The following ATP2A1 variants were observed in gnomAD, a reference collection of about 807,000 sequenced individuals.
ATP2A1 encodes the protein sarcoplasmic/endoplasmic reticulum calcium ATPase 1.
ATP2A1 carries 83 observed loss-of-function variants against 109.5 expected under a neutral mutation model. The observed-to-expected ratio is 0.76, with a 90% CI of 0.63 to 0.91. The LOEUF is 0.91. Among genes scored for constraint, ATP2A1 ranks in the 40% least tolerant of loss-of-function variants. The probability of loss-of-function intolerance (pLI) is 0.00; values close to 1 mark genes in which losing one functional copy is unlikely to be tolerated. For missense variants in ATP2A1, 1,101 were observed against 1,341.0 expected (o/e 0.82, Z 2.80); for synonymous variants, 505 against 537.6 (o/e 0.94, Z 0.84).
chr16:28,896,290 G>A (rs765095814), intron 12 of ATP2A1, among the ~76,000 whole-genome samples: 27 of 152,092 alleles, frequency 1.8e-4, no homozygotes, highest in Admixed American at 3.3e-4. Flanking sequence ...ACAGTGGCAT[G>A]ATCTCAGCTC....
At position 28,894,715 on chromosome 16, in the gene ATP2A1, G is replaced by T. The variant is rs1963868934; in HGVS notation, c.1288-107G>T. 3.1e-6 allele frequency: 5 copies of T among 1,598,454 alleles called. No homozygotes were observed. The South Asian group carries it at 5.5e-5, about 18-fold the overall frequency. ...CCAGTACACCCAGCCCTCTGCCAGGGTGCAAGGGAGGCAGTGGTTTGCTTC... is the reference window on the plus strand; with the variant it reads ...CCAGTACACCCAGCCCTCTGCCAGGTTGCAAGGGAGGCAGTGGTTTGCTTC... On this transcript the variant is annotated intron_variant, in intron 11 of 22. Coordinates refer to ENST00000395503, the MANE Select transcript of ATP2A1 (RefSeq NM_004320.6).
intron 22 of ATP2A1, 51 bp from the exon 23 acceptor site, chr16:28,904,129 A>G (rs1299744454): frequency 4.6e-6 from 7 of 1,513,186 alleles, no homozygotes; most frequent in Non-Finnish European, 6.4e-6. Context: ...CCTGGGAGGG[A>G]CCTCGCTGCC....
At position 28,903,163 on chromosome 16, in the gene ATP2A1, C is replaced by A. The variant is rs1174693213; in HGVS notation, c.2862+16C>A. The A allele has an allele frequency of 2.5e-6, 4 of 1,612,238 alleles. No individual in the cohort carries two copies. Among genetic ancestry groups the A allele is most frequent in the Admixed American group, 3.3e-5 (2 of 60,014 alleles). On this transcript the variant is annotated intron_variant, in intron 20 of 22. Coordinates refer to ENST00000395503, the MANE Select transcript of ATP2A1 (RefSeq NM_004320.6). This position sits in a 1 kb window ranked among gnomAD's most constrained non-coding sequence, Gnocchi z 5.6. ...CCCCCTGCCGGTGAGGTTTCTTCCG[C>A]CCAGGGCCGCCCACCCCAGCACTGG...
Position 28,902,001 on chromosome 16 carries a change from G to T in ATP2A1, c.2239G>T (p.Val747Leu). The change falls in exon 16 of 23, where the codon GTG becomes TTG. Residue 747 changes from valine to leucine, a missense_variant. Physicochemically the swap from Val to Leu is conservative, Grantham distance 32 (BLOSUM62 1). Coordinates refer to ENST00000395503, the MANE Select transcript of ATP2A1 (RefSeq NM_004320.6). The surrounding 1 kb of genome is among the most constrained non-coding windows in gnomAD (Gnocchi z 4.8). The part of the protein sequence containing the change: ...DDNFSTIVAA[V>L]EEGRAIYNNM... The stretch of plus-strand genomic sequence containing the variant: ...CAACTTCTCCACCATCGTAGCTGCT[G>T]TGGAGGAGGGCCGCGCCATCTACAA... The T allele has an allele frequency of 6.2e-7, 1 of 1,614,246 alleles. No individual in the cohort carries two copies. The highest frequency in any genetic ancestry group is 8.5e-7 in the Non-Finnish European group (1 of 1,180,042).
At position 28,889,831 on chromosome 16, in the gene ATP2A1, T is replaced by C. The variant is rs554066393; in HGVS notation, c.1095+878T>C. 2.6e-5 allele frequency among the ~76,000 whole-genome samples: 4 copies of C among 152,298 alleles called. No individual in the cohort carries two copies. The East Asian group carries it at 5.8e-4, about 22-fold the overall frequency. The stretch of plus-strand genomic sequence containing the variant: ...TGCAGTTGAGCTCTTGTCAGGATAA[T>C]ATTTCAAATGTATATTAATAAAATA... On this transcript the variant is annotated intron_variant, in intron 9 of 22. Transcript: ENST00000395503.
chr16:28,882,453 G>A lies in ATP2A1; in HGVS notation c.327G>A (p.Glu109=). 6.2e-7 allele frequency: 1 copy of A among 1,614,176 alleles called. No homozygotes were observed. Among genetic ancestry groups the A allele is most frequent in the South Asian group, 1.1e-5 (1 of 91,090 alleles). ...IANAIVGVWQ[E]RNAENAIEAL... The stretch of plus-strand genomic sequence containing the variant: ...CCTCCTCCACCCTGTCTCCTCAGGA[G>A]CGGAACGCAGAGAACGCCATCGAGG... Residue 109 remains glutamate, a splice_region_variant and synonymous_variant, in exon 5 of 23, where the codon GAG becomes GAA. Transcript: ENST00000395503.
chr16:28,883,611 G>C lies in ATP2A1; in HGVS notation c.464-964G>C, dbSNP rs374942377. ...AGGCAGCGGCCCTGGGAGATTCTTA[G>C]CCTCCTCCTAAGGTCTCTGAGTCTG... On this transcript the variant is annotated intron_variant, in intron 5 of 22. Transcript: ENST00000395503. This position sits in a 1 kb window ranked among gnomAD's most constrained non-coding sequence, Gnocchi z 5.2. Among the ~76,000 whole-genome samples the C allele has an allele frequency of 7.2e-5, 11 of 152,236 alleles. No homozygotes were observed. In the East Asian group the frequency reaches 1.7e-3, roughly 24 times the overall value.
Position 28,900,708 on chromosome 16 carries a change from C to G in ATP2A1, c.1892C>G (p.Thr631Arg), listed in dbSNP as rs747339644. ...VIMITGDNKG[T>R]AIAICRRIGI... Reference sequence around the variant, plus strand: ...ATGATCACTGGGGACAACAAGGGCACAGCCATTGCCATCTGCCGGCGAATT... The same window carrying G: ...ATGATCACTGGGGACAACAAGGGCAGAGCCATTGCCATCTGCCGGCGAATT... The change falls in exon 15 of 23, where the codon ACA (threonine) becomes AGA (arginine). Residue 631 changes from threonine (T) to arginine (R), a missense_variant. Coordinates refer to ENST00000395503, the MANE Select transcript of ATP2A1 (RefSeq NM_004320.6). 6.2e-7 allele frequency: 1 copy of G among 1,614,156 alleles called. No homozygotes were observed. The highest frequency in any genetic ancestry group is 1.7e-5 in the Admixed American group (1 of 60,024).
chr16:28,900,464 C>G, intron 14 of ATP2A1, 117 bp from the exon 15 acceptor site: 19 of 818,858 alleles, frequency 2.3e-5, no homozygotes, highest in Admixed American at 3.0e-5. Flanking sequence ...GTTCAGGCTT[C>G]CCACCCCTCC....
At chr16:28,878,930 A>T in intron 1 of ATP2A1, 141 bp downstream of exon 1, 1 of 1,329,686 alleles carries the variant, frequency 7.5e-7, no homozygotes, top group Non-Finnish European at 1.1e-6. Context: ...AGGGGGAAGA[A>T]GATACTGAGA....
At position 28,902,921 on chromosome 16, in the gene ATP2A1, C is replaced by T. The variant is rs778200749; in HGVS notation, c.2744+10C>T. On this transcript the variant is annotated intron_variant, in intron 19 of 22. Coordinates refer to ENST00000395503, the MANE Select transcript of ATP2A1 (RefSeq NM_004320.6). The surrounding 1 kb of genome is among the most constrained non-coding windows in gnomAD (Gnocchi z 4.8). ...GCAATGCACTGAACAGGTGGGGGCC[C>T]CCCAGCTACACCCACCACCCTCCCC... 5 of 1,613,852 alleles carry T rather than the reference C, an allele frequency of 3.1e-6. No individual in the cohort carries two copies. Among genetic ancestry groups the T allele is most frequent in the Non-Finnish European group, 4.2e-6 (5 of 1,179,900 alleles).
At position 28,903,643 on chromosome 16, in the gene ATP2A1, G is replaced by A. The variant is rs1964158782; in HGVS notation, c.2981-57G>A. The A allele has an allele frequency of 2.8e-6, 4 of 1,429,768 alleles. No homozygotes were observed. In the East Asian group the frequency reaches 9.1e-5, roughly 33 times the overall value. The allele number at this position is 1,429,768 out of a possible 1,614,324, so 88.6% of individuals were successfully genotyped here. A position where few individuals can be genotyped will look rare whatever the true frequency, so the allele number is the denominator to read the frequency against. ...CTCCTCAGCCCCCACAGCCCCTATA[G>A]CCCCCATGCCACCTCCCTGCCTTGA... On this transcript the variant is annotated intron_variant, in intron 21 of 22. Transcript: ENST00000395503. The surrounding 1 kb of genome is among the most constrained non-coding windows in gnomAD (Gnocchi z 5.6).
chr16:28,894,395 C>T lies in ATP2A1; in HGVS notation c.1185-110C>T. 3.1e-6 allele frequency: 4 copies of T among 1,303,774 alleles called. No individual in the cohort carries two copies. In the East Asian group the frequency reaches 9.9e-5, roughly 32 times the overall value. The allele number at this position is 1,303,774 out of a possible 1,614,324, so 80.8% of individuals were successfully genotyped here. On this transcript the variant is annotated intron_variant, in intron 10 of 22. Transcript: ENST00000395503. ...TCCTGATATCCGAGTTGGCTCTCCC[C>T]ACTGTCCTTCCTTACCCTCTGCTGC...
Position 28,894,569 on chromosome 16 carries a change from T to G in ATP2A1, c.1249T>G (p.Cys417Gly). The G allele has an allele frequency of 6.2e-7, 1 of 1,614,140 alleles. No homozygotes were observed. Among genetic ancestry groups the G allele is most frequent in the South Asian group, 1.1e-5 (1 of 91,084 alleles). ...CGGGCTGGTGGAGCTGGCCACCATCTGTGCCCTCTGCAATGACTCCTCCTT... is the reference window on the plus strand; with the variant it reads ...CGGGCTGGTGGAGCTGGCCACCATCGGTGCCCTCTGCAATGACTCCTCCTT... Reference protein sequence around the residue: ...YDGLVELATICALCNDSSLDF... With the variant: ...YDGLVELATIGALCNDSSLDF... The change falls in exon 11 of 23, where the codon TGT becomes GGT. Residue 417 changes from cysteine (C) to glycine (G), a missense_variant. Physicochemically the swap from Cys to Gly is radical, Grantham distance 159 (BLOSUM62 -3). Transcript: ENST00000395503.
chr16:28,903,627 C>T lies in ATP2A1; in HGVS notation c.2981-73C>T. 7.8e-7 allele frequency: 1 copy of T among 1,275,222 alleles called. No homozygotes were observed. Among genetic ancestry groups the T allele is most frequent in the East Asian group, 2.3e-5 (1 of 43,388 alleles). 79.0% of individuals were successfully genotyped at this position (1,275,222 alleles called of 1,614,324 possible). ...GGGGCAGCCCCACTGCCTCCTCAGC[C>T]CCCACAGCCCCTATAGCCCCCATGC... On this transcript the variant is annotated intron_variant, in intron 21 of 22. Transcript: ENST00000395503. The surrounding 1 kb of genome is among the most constrained non-coding windows in gnomAD (Gnocchi z 5.6).
Position 28,898,615 on chromosome 16 carries a change from C to G in ATP2A1, c.1764+164C>G, listed in dbSNP as rs1268390821. On this transcript the variant is annotated intron_variant, in intron 14 of 22. Transcript: ENST00000395503. The surrounding 1 kb of genome is among the most constrained non-coding windows in gnomAD (Gnocchi z 4.0). ...ACAGGACAGTAGAGTTTCAGAGAACCTTGGGAGGCCGGGTGCAGTGACTCA... is the reference window on the plus strand; with the variant it reads ...ACAGGACAGTAGAGTTTCAGAGAACGTTGGGAGGCCGGGTGCAGTGACTCA... Among the ~76,000 whole-genome samples, 1 of 152,048 alleles carries G rather than the reference C, an allele frequency of 6.6e-6. No individual in the cohort carries two copies. The highest frequency in any genetic ancestry group is 1.5e-5 in the Non-Finnish European group (1 of 68,018).
At position 28,902,334 on chromosome 16, in the gene ATP2A1, C is replaced by T; in HGVS notation, c.2472C>T (p.Pro824=). The T allele has an allele frequency of 6.2e-7, 1 of 1,614,088 alleles. No individual in the cohort carries two copies. Among genetic ancestry groups the T allele is most frequent in the Non-Finnish European group, 8.5e-7 (1 of 1,179,990 alleles). Residue 824 remains proline, a synonymous_variant, in exon 17 of 23, where the codon CCC becomes CCT. Transcript: ENST00000395503. This position sits in a 1 kb window ranked among gnomAD's most constrained non-coding sequence, Gnocchi z 4.8. ...TCATGGACCGCCCCCCCCGGAGCCC[C>T]AAGGAGCCCCTCATCAGTGGCTGGC... ...LDIMDRPPRS[P]KEPLISGWLF...
chr16:28,893,059 A>T (rs922401579), intron 9 of ATP2A1, among the ~76,000 whole-genome samples: 1 of 150,252 alleles, frequency 6.7e-6, no homozygotes, highest in Non-Finnish European at 1.5e-5. Flanking sequence ...AGAATTGCCC[A>T]TATATTTGAA....
chr16:28,885,799 G>A (rs1328782219), intron 6 of ATP2A1, among the ~76,000 whole-genome samples: 1 of 152,036 alleles, frequency 6.6e-6, no homozygotes, highest in Non-Finnish European at 1.5e-5. Context: ...GTCTCCTTCA[G>A]CCTCCTCAAA....
Sources: gnomAD v4.1 joint callset for allele counts (sites outside exome capture counted in the v4.1 genomes callset) on GRCh38, gnomAD v4.1.1 for gene constraint, Gnocchi (gnomAD v3.1) non-coding constraint, MANE v1.5 for transcripts, NCBI Gene and HGNC (gene_info 2026-07-23, HGNC 2026-07-21) for gene names.